NFYB: variants seen among roughly 807,000 people sequenced by gnomAD.
NFYB encodes CAAT box DNA-binding protein subunit B.
A neutral mutation model predicts 28.0 loss-of-function variants in NFYB; 13 were observed. That is an observed-to-expected ratio of 0.46 (90% CI 0.30 to 0.74). The LOEUF (loss-of-function observed/expected upper bound fraction) is 0.74. NFYB is among the 30% of genes least tolerant of loss of function. NFYB has a pLI of 0.07. For synonymous variants in NFYB, 74 were observed against 75.0 expected (o/e 0.99, Z 0.07); for missense variants, 142 against 247.6 (o/e 0.57, Z 2.86).
chr12:104,133,568 GAAGCT>G (rs2030998869), intron 2 of NFYB, among the ~76,000 whole-genome samples: 1 of 152,140 alleles, frequency 6.6e-6, no homozygotes, highest in East Asian at 1.9e-4. Flanking sequence ...TTGCTATGAG[GAAGCT>G]ATTGTATAAA....
intron 2 of NFYB, among the ~76,000 whole-genome samples, chr12:104,130,301 CAT>C (rs1314462826): frequency 3.3e-5 from 5 of 152,168 alleles, no homozygotes; most frequent in African/African-American, 7.2e-5. Flanking sequence ...TTGTATAACA[CAT>C]GTCTTCTCCA....
chr12:104,123,842 T>G (rs903571193), intron 4 of NFYB, among the ~76,000 whole-genome samples: 8 of 152,090 alleles, frequency 5.3e-5, no homozygotes, highest in Non-Finnish European at 1.2e-4. Context: ...GTGCCTGTAA[T>G]TGCTGCTACT....
intron 6 of NFYB, among the ~76,000 whole-genome samples, chr12:104,120,918 AC>A (rs2136645582): frequency 6.6e-6 from 1 of 152,310 alleles, no homozygotes; most frequent in African/African-American, 2.4e-5. Context: ...TTTAAAAAAA[AC>A]TGAGTTGAAA....
At chr12:104,127,094 G>C (rs908819852) in intron 3 of NFYB, among the ~76,000 whole-genome samples, 10 of 152,136 alleles carry the variant, frequency 6.6e-5, no homozygotes, top group African/African-American at 2.4e-4. Flanking sequence ...GCAGTATCCT[G>C]TAAGTAAACT....
chr12:104,133,601 CAAGATACATAGTAAGAACTT>C (rs1445838652), intron 2 of NFYB, among the ~76,000 whole-genome samples: 4 of 152,192 alleles, frequency 2.6e-5, no homozygotes, highest in African/African-American at 9.6e-5. Flanking sequence ...TAGCAAAGTG[CAAGATACATAGTAAGAACTT>C]AACAAATGTA....
intron 2 of NFYB, among the ~76,000 whole-genome samples, chr12:104,132,091 T>C (rs2136668470): frequency 6.6e-6 from 1 of 152,316 alleles, no homozygotes; most frequent in South Asian, 2.1e-4. Flanking sequence ...AATAATTAAG[T>C]AATTGCTAGT....
At chr12:104,123,865 G>A (rs1254187074) in intron 4 of NFYB, among the ~76,000 whole-genome samples, 17 of 152,180 alleles carry the variant, frequency 1.1e-4, no homozygotes, top group Admixed American at 3.9e-4. Context: ...GGAGGATGAG[G>A]CAGGAGAATT....
chr12:104,135,134 C>T (rs184536546), intron 2 of NFYB, among the ~76,000 whole-genome samples: 61 of 152,322 alleles, frequency 4.0e-4, no homozygotes, highest in African/African-American at 1.4e-3. Context: ...ATATCTACTG[C>T]ACTTAAGAGT....
chr12:104,121,513 T>C (rs1023120808), intron 5 of NFYB, among the ~76,000 whole-genome samples, 192 bp from the exon 6 acceptor site: 1 of 152,170 alleles, frequency 6.6e-6, no homozygotes, highest in African/African-American at 2.4e-5. Flanking sequence ...GCTGTAATCA[T>C]TAACAAGACA....
intron 2 of NFYB, among the ~76,000 whole-genome samples, chr12:104,129,721 A>C (rs1437583017): frequency 6.6e-6 from 1 of 152,140 alleles, no homozygotes; most frequent in African/African-American, 2.4e-5. Context: ...TCTAAAAAAA[A>C]ACAAAAATTA....
chr12:104,121,438 A>G, intron 5 of NFYB, 117 bp from the exon 6 acceptor site: 1 of 782,918 alleles, frequency 1.3e-6, no homozygotes, highest in East Asian at 2.4e-5. Flanking sequence ...TAAGCAGAGT[A>G]TTTATTAACA....
chr12:104,120,261 G>C (rs1158412826), intron 7 of NFYB, 139 bp downstream of exon 7: 3 of 603,366 alleles, frequency 5.0e-6, no homozygotes, highest in African/African-American at 3.8e-5. Flanking sequence ...CACCATGTTG[G>C]CCAGGCTGGT....
Position 104,128,464 on chromosome 12 carries a change from G to A in NFYB, c.60C>T (p.Asp20=), listed in dbSNP as rs777313136. 1 of 1,612,634 alleles carries A rather than the reference G, an allele frequency of 6.2e-7. No homozygotes were observed. The highest frequency in any genetic ancestry group is 1.1e-5 in the South Asian group (1 of 91,012). ...TAACATAATGACTTCCTCCAATATA[G>A]TCTGCAGAGATTCCTAGTTGAGAAG... ...TDASQLGISA[D]YIGGSHYVIQ... The change falls in exon 3 of 8, where the codon GAC becomes GAT. Residue 20 remains aspartate, a synonymous_variant. Transcript: ENST00000240055.
intron 5 of NFYB, among the ~76,000 whole-genome samples, chr12:104,122,578 T>C (rs2030519860): frequency 6.6e-6 from 1 of 152,180 alleles, no homozygotes; most frequent in African/African-American, 2.4e-5. Flanking sequence ...AACCCTATTG[T>C]GAACTGCGCA....
chr12:104,122,686 A>ACC (rs2030525118), intron 5 of NFYB, among the ~76,000 whole-genome samples: 1 of 151,772 alleles, frequency 6.6e-6, no homozygotes, highest in African/African-American at 2.4e-5. Flanking sequence ...TACCCCTCGC[A>ACC]CCCCTCCCCT....
chr12:104,119,227 ATAAATACAGCAAAT>A lies in NFYB; in HGVS notation c.*496_*509del, dbSNP rs2030375623. The A allele has an allele frequency of 6.6e-6, 1 of 152,330 alleles. No individual in the cohort carries two copies. Among genetic ancestry groups the A allele is most frequent in the Admixed American group, 6.5e-5 (1 of 15,288 alleles). 9.4% of individuals were successfully genotyped at this position (152,330 alleles called of 1,614,324 possible). A position where few individuals can be genotyped will look rare whatever the true frequency, so the allele number is the denominator to read the frequency against. The stretch of plus-strand genomic sequence containing the variant: ...TTTTACCAAAAAAATAATAATTTTA[ATAAATACAGCAAAT>A]GCTAGAAATCTAGCTAGGTTATCAT... On this transcript the variant is annotated 3_prime_UTR_variant, in exon 8 of 8. Coordinates refer to ENST00000240055, the MANE Select transcript of NFYB (RefSeq NM_006166.4).
At chr12:104,137,340 A>G (rs1201948968) in intron 1 of NFYB, 2 of 152,262 alleles carry the variant, frequency 1.3e-5, no homozygotes, top group Non-Finnish European at 2.9e-5. Flanking sequence ...ACTAATGATT[A>G]AAACCTTAGT....
intron 5 of NFYB, 106 bp downstream of exon 5, chr12:104,123,120 G>A: frequency 1.2e-6 from 1 of 816,124 alleles, no homozygotes; most frequent in Non-Finnish European, 1.9e-6. Context: ...AGGTTGCAGT[G>A]AGCCGAGATC....
At chr12:104,123,480 C>G (rs890094813) in intron 4 of NFYB, 57 bp from the exon 5 acceptor site, 2 of 1,434,156 alleles carry the variant, frequency 1.4e-6, no homozygotes, top group African/African-American at 2.8e-5. Context: ...TTCCTAACAA[C>G]CTACAAAAAT....
Sources: allele counts gnomAD v4.1 joint callset (sites outside exome capture counted in the v4.1 genomes callset), GRCh38; gene constraint gnomAD v4.1.1; transcripts MANE v1.5; gene names NCBI Gene and HGNC (gene_info 2026-07-23, HGNC 2026-07-21).